SMYD3: variants seen among roughly 807,000 people sequenced by gnomAD.
SMYD3 encodes histone-lysine N-methyltransferase SMYD3.
A neutral mutation model predicts 57.7 loss-of-function variants in SMYD3; 36 were observed. The observed-to-expected ratio is 0.62, with a 90% confidence interval of 0.48 to 0.82. SMYD3 has a LOEUF of 0.82. Among genes scored for constraint, SMYD3 ranks in the 40% least tolerant of loss-of-function variants. The pLI is 0.00. For missense variants in SMYD3, 515 were observed against 538.8 expected (o/e 0.96, Z 0.44); for synonymous variants, 211 against 195.0 (o/e 1.08, Z -0.68).
chr1:246,179,067 A>G (rs890921066), intron 5 of SMYD3: 1 of 154,002 alleles, frequency 6.5e-6, no homozygotes, highest in Non-Finnish European at 1.5e-5. Flanking sequence ...CCATGCAAGA[A>G]TGTATACAGA....
At chr1:246,051,239 A>C (rs2060062850) in intron 5 of SMYD3, among the ~76,000 whole-genome samples, 1 of 150,966 alleles carries the variant, frequency 6.6e-6, no homozygotes, top group South Asian at 2.1e-4. Context: ...CATCACCTCA[A>C]CCTCCTGAGT....
chr1:246,297,805 G>A (rs1195576663), intron 5 of SMYD3, among the ~76,000 whole-genome samples: 3 of 151,958 alleles, frequency 2.0e-5, no homozygotes, highest in African/African-American at 7.3e-5. Flanking sequence ...TTCCTTCTAA[G>A]ACTTCCATTT....
intron 8 of SMYD3, among the ~76,000 whole-genome samples, chr1:245,883,505 C>T (rs1172724119): frequency 6.6e-6 from 1 of 152,144 alleles, no homozygotes; most frequent in Admixed American, 6.5e-5. Context: ...TTCTTAAAAA[C>T]TAGGGGAAAA....
At chr1:246,457,542 A>AG (rs1558473678) in intron 1 of SMYD3, among the ~76,000 whole-genome samples, 2 of 95,812 alleles carry the variant, frequency 2.1e-5, no homozygotes, top group Non-Finnish European at 5.0e-5. Context: ...CAAAAAAAAA[A>AG]AAAAAAGAAA....
At chr1:245,922,015 A>G (rs1336622560) in intron 7 of SMYD3, among the ~76,000 whole-genome samples, 1 of 152,182 alleles carries the variant, frequency 6.6e-6, no homozygotes, top group Non-Finnish European at 1.5e-5. Context: ...AAAAATCACA[A>G]TTAGGTTACT....
At chr1:246,288,380 C>T (rs1295560875) in intron 5 of SMYD3, among the ~76,000 whole-genome samples, 1 of 150,960 alleles carries the variant, frequency 6.6e-6, no homozygotes, top group African/African-American at 2.4e-5. Context: ...TTCAAAACTA[C>T]GATCCACACA....
intron 8 of SMYD3, among the ~76,000 whole-genome samples, chr1:245,869,079 G>A (rs1476963081): frequency 6.6e-6 from 1 of 151,588 alleles, no homozygotes; most frequent in Non-Finnish European, 1.5e-5. Flanking sequence ...ATATAATTCA[G>A]GACAAAGTTA....
chr1:246,432,723 G>A (rs1294873106), intron 1 of SMYD3, among the ~76,000 whole-genome samples: 1 of 152,148 alleles, frequency 6.6e-6, no homozygotes, highest in Non-Finnish European at 1.5e-5. Flanking sequence ...TCTAAAGGCA[G>A]CCTTCTATTT....
At position 246,299,145 on chromosome 1, in the gene SMYD3, A is replaced by G. The variant is rs1042930816; in HGVS notation, c.531+28056T>C. On this transcript the variant is annotated intron_variant, in intron 5 of 11. Coordinates refer to ENST00000490107, the MANE Select transcript of SMYD3 (RefSeq NM_001167740.2). ...GTTTCATATGCAAAGATAGATGTATACTGATGTTCCCTACAGTGGAAAAAA... is the reference window on the plus strand; with the variant it reads ...GTTTCATATGCAAAGATAGATGTATGCTGATGTTCCCTACAGTGGAAAAAA... 1.3e-5 allele frequency among the ~76,000 whole-genome samples: 2 copies of G among 152,186 alleles called. 1 individual carries two copies. Among genetic ancestry groups the G allele is most frequent in the South Asian group, 4.1e-4 (2 of 4,834 alleles).
At chr1:246,187,928 T>A (rs891915363) in intron 5 of SMYD3, among the ~76,000 whole-genome samples, 4 of 151,772 alleles carry the variant, frequency 2.6e-5, no homozygotes, top group Admixed American at 6.6e-5. Context: ...GTATCAATGG[T>A]CTTGGTGGCT....
chr1:246,091,955 AC>A (rs1460814933), intron 5 of SMYD3, among the ~76,000 whole-genome samples: 1 of 152,190 alleles, frequency 6.6e-6, no homozygotes, highest in Non-Finnish European at 1.5e-5. Context: ...CACCAACAAA[AC>A]TGTTAATAAT....
At chr1:245,825,723 G>A (rs143629407) in intron 10 of SMYD3, among the ~76,000 whole-genome samples, 126 of 152,204 alleles carry the variant, frequency 8.3e-4, no homozygotes, top group Non-Finnish European at 1.6e-3. Context: ...ACTTCACTGA[G>A]CATGCTGAAC....
At chr1:246,128,586 G>A (rs2061541578) in intron 5 of SMYD3, among the ~76,000 whole-genome samples, 1 of 152,168 alleles carries the variant, frequency 6.6e-6, no homozygotes, top group Non-Finnish European at 1.5e-5. Flanking sequence ...GAACAAACTG[G>A]GATTTAGAGA....
chr1:245,760,697 G>T (rs1056210743), intron 11 of SMYD3, among the ~76,000 whole-genome samples: 1 of 152,190 alleles, frequency 6.6e-6, no homozygotes, highest in African/African-American at 2.4e-5. Flanking sequence ...GGAATGTAAG[G>T]TCCCTTGAGG....
intron 7 of SMYD3, among the ~76,000 whole-genome samples, chr1:245,925,127 G>A (rs1032696932): frequency 3.3e-5 from 5 of 152,074 alleles, no homozygotes; most frequent in African/African-American, 9.7e-5. Flanking sequence ...GTGCCCTAAT[G>A]AGCACTAAAG....
intron 1 of SMYD3, among the ~76,000 whole-genome samples, chr1:246,440,024 CTT>C (rs1327810068): frequency 2.0e-5 from 3 of 152,112 alleles, no homozygotes; most frequent in Admixed American, 1.3e-4. Flanking sequence ...GAACTTAACT[CTT>C]GTTTATATCC....
At chr1:246,188,760 A>C (rs2148316291) in intron 5 of SMYD3, among the ~76,000 whole-genome samples, 1 of 152,164 alleles carries the variant, frequency 6.6e-6, no homozygotes, top group South Asian at 2.1e-4. Context: ...CAGGAGTTTG[A>C]GATCAGCCTG....
chr1:245,803,548 A>G (rs2047978827), intron 10 of SMYD3, among the ~76,000 whole-genome samples: 1 of 152,146 alleles, frequency 6.6e-6, no homozygotes, highest in South Asian at 2.1e-4. Context: ...TCTGAGTGCA[A>G]TGATGGTGGG....
chr1:245,843,031 A>G lies in SMYD3; in HGVS notation c.1076+15465T>C, dbSNP rs539657782. On this transcript the variant is annotated intron_variant, in intron 10 of 11. Coordinates refer to ENST00000490107, the MANE Select transcript of SMYD3 (RefSeq NM_001167740.2). ...CAGCTTATATGTATTTTTTTAAAAT[A>G]AAAACATTTTAATAGAAAATTCATG... Among the ~76,000 whole-genome samples the G allele has an allele frequency of 2.7e-3, 404 of 152,330 alleles. 3 individuals carry two copies. Among genetic ancestry groups the G allele is most frequent in the Non-Finnish European group, 3.8e-3 (257 of 68,028 alleles).
Sources: allele counts gnomAD v4.1 joint callset (sites outside exome capture counted in the v4.1 genomes callset), GRCh38; gene constraint gnomAD v4.1.1; transcripts MANE v1.5; gene names NCBI Gene and HGNC (gene_info 2026-07-23, HGNC 2026-07-21).